ARSB: variants seen among roughly 807,000 people sequenced by gnomAD.
The protein encoded by ARSB is arylsulfatase B, also known as N-acetylgalactosamine-4-sulfatase.
In ARSB, 41 loss-of-function variants were observed where a neutral mutation model predicts 50.9. The observed-to-expected ratio is 0.81, with a 90% CI of 0.63 to 1.04. The LOEUF is 1.04. Among genes scored for constraint, ARSB ranks in the 50% least tolerant of loss-of-function variants. ARSB has a pLI of 0.00. For synonymous variants in ARSB, 269 were observed against 284.8 expected (o/e 0.94, Z 0.56); for missense variants, 672 against 693.3 (o/e 0.97, Z 0.35).
chr5:78,862,924 C>A (rs528212484), intron 5 of ARSB, among the ~76,000 whole-genome samples: 84 of 152,226 alleles, frequency 5.5e-4, no homozygotes, highest in African/African-American at 1.9e-3. Context: ...AATCAAGTAA[C>A]CCCATCAAAA....
At chr5:78,797,491 T>C (rs1388354653) in intron 6 of ARSB, among the ~76,000 whole-genome samples, 5 of 152,192 alleles carry the variant, frequency 3.3e-5, no homozygotes, top group South Asian at 2.1e-4. Context: ...TCTCACATCA[T>C]TCCTTCGATG....
intron 6 of ARSB, chr5:78,815,495 T>C: frequency 3.1e-6 from 3 of 963,228 alleles, no homozygotes; most frequent in Non-Finnish European, 3.7e-6. Flanking sequence ...GCTGTGCCCC[T>C]GTGCAGTTAG....
intron 3 of ARSB, among the ~76,000 whole-genome samples, chr5:78,957,320 A>C (rs1215825930): frequency 2.0e-5 from 3 of 152,162 alleles, no homozygotes; most frequent in African/African-American, 7.2e-5. Flanking sequence ...TTCATTGTTG[A>C]CAAGTTGTTT....
At chr5:78,822,287 A>G (rs2112677314) in intron 6 of ARSB, among the ~76,000 whole-genome samples, 1 of 152,318 alleles carries the variant, frequency 6.6e-6, no homozygotes, top group Non-Finnish European at 1.5e-5. Context: ...AGATTTTGGA[A>G]AATTGATGAC....
chr5:78,877,780 T>C (rs960192636), intron 5 of ARSB, among the ~76,000 whole-genome samples: 1 of 152,176 alleles, frequency 6.6e-6, no homozygotes, highest in African/African-American at 2.4e-5. Flanking sequence ...CCAAAAGGGA[T>C]AGAAATATGA....
chr5:78,796,401 A>G (rs565073615), intron 6 of ARSB, among the ~76,000 whole-genome samples: 1 of 152,354 alleles, frequency 6.6e-6, no homozygotes, highest in South Asian at 2.1e-4. Flanking sequence ...GTGCTAGGAG[A>G]TTCCAAAAGA....
chr5:78,947,934 A>G (rs1751318959), intron 4 of ARSB, among the ~76,000 whole-genome samples: 1 of 152,234 alleles, frequency 6.6e-6, no homozygotes, highest in African/African-American at 2.4e-5. Context: ...CATATACACA[A>G]TGGAGTACTA....
intron 5 of ARSB, chr5:78,883,841 A>G (rs1747876449): frequency 6.6e-6 from 1 of 152,194 alleles, no homozygotes; most frequent in Non-Finnish European, 1.5e-5. Context: ...ATAGCTATCA[A>G]ACTTCCTTTG....
chr5:78,803,886 C>A (rs1256574323), intron 6 of ARSB, among the ~76,000 whole-genome samples: 2 of 152,246 alleles, frequency 1.3e-5, no homozygotes, highest in Admixed American at 6.5e-5. Flanking sequence ...CTACTTTGTA[C>A]TAGACGTTGT....
intron 4 of ARSB, among the ~76,000 whole-genome samples, chr5:78,945,422 C>A (rs977097552): frequency 1.3e-5 from 2 of 152,256 alleles, no homozygotes; most frequent in East Asian, 3.9e-4. Context: ...CTTGGCTCCA[C>A]CCCTCCTATG....
intron 5 of ARSB, among the ~76,000 whole-genome samples, chr5:78,851,352 C>T (rs541861836): frequency 7.4e-4 from 112 of 152,280 alleles, no homozygotes; most frequent in African/African-American, 2.6e-3. Flanking sequence ...TGTTCAGTTT[C>T]CATGTAGTTG....
chr5:78,793,987 A>G lies in ARSB; in HGVS notation c.1214-12013T>C, dbSNP rs1580974722. ...AGAATAGTGATCTGGGCAGAGGCACAAAGCAACGTAGTACATTCTGTAGAG... is the reference window on the plus strand; with the variant it reads ...AGAATAGTGATCTGGGCAGAGGCACGAAGCAACGTAGTACATTCTGTAGAG... On this transcript the variant is annotated intron_variant, in intron 6 of 7. Transcript: ENST00000264914. 1.3e-5 allele frequency among the ~76,000 whole-genome samples: 2 copies of G among 152,332 alleles called. 1 individual carries two copies. The highest frequency in any genetic ancestry group is 3.9e-4 in the East Asian group (2 of 5,186).
intron 3 of ARSB, among the ~76,000 whole-genome samples, chr5:78,963,432 T>C (rs889864970): frequency 6.6e-6 from 1 of 152,186 alleles, no homozygotes. Context: ...AGAGGCAAAG[T>C]GCAGGAAATT....
chr5:78,952,095 T>C (rs147672766), intron 4 of ARSB, among the ~76,000 whole-genome samples: 157 of 152,280 alleles, frequency 1.0e-3, no homozygotes, highest in African/African-American at 3.7e-3. Context: ...AGTATCAAAA[T>C]ATAAGACAAT....
intron 4 of ARSB, among the ~76,000 whole-genome samples, chr5:78,924,111 A>C (rs1749943988): frequency 6.6e-6 from 1 of 152,194 alleles, no homozygotes; most frequent in African/African-American, 2.4e-5. Context: ...AAATGGCAAA[A>C]GCCCAGATAG....
At chr5:78,934,647 A>G (rs1199088452) in intron 4 of ARSB, among the ~76,000 whole-genome samples, 1 of 151,944 alleles carries the variant, frequency 6.6e-6, no homozygotes, top group African/African-American at 2.4e-5. Context: ...AAAATTTGGC[A>G]GGCGTGATGG....
At chr5:78,869,673 G>T (rs79307096) in intron 5 of ARSB, among the ~76,000 whole-genome samples, 3 of 150,426 alleles carry the variant, frequency 2.0e-5, no homozygotes, top group Non-Finnish European at 1.5e-5. Flanking sequence ...AGTGTGTAGA[G>T]GGAAATTTAT....
rs1752128292 is a variant in ARSB at position 78,964,561 on chromosome 5, G to A, written c.545C>T (p.Thr182Ile). 3 of 1,613,848 alleles carry A rather than the reference G, an allele frequency of 1.9e-6. No individual in the cohort carries two copies. In the South Asian group the frequency reaches 3.3e-5, roughly 18 times the overall value. Reference sequence around the variant, plus strand: ...TGTGACATTCAGAGCGTCAATTAATGTACAGCGTTCATGGGAATAATAATC... The same window carrying A: ...TGTGACATTCAGAGCGTCAATTAATATACAGCGTTCATGGGAATAATAATC... ...SEDYYSHERC[T>I]LIDALNVTRC... Residue 182 changes from threonine to isoleucine, a missense_variant, in exon 3 of 8, where the codon ACA (threonine) becomes ATA (isoleucine). Physicochemically the swap from Thr to Ile is moderately conservative, Grantham distance 89 (BLOSUM62 -1). Coordinates refer to ENST00000264914, the MANE Select transcript of ARSB (RefSeq NM_000046.5).
At chr5:78,978,946 C>A (rs1752784430) in intron 1 of ARSB, among the ~76,000 whole-genome samples, 1 of 152,076 alleles carries the variant, frequency 6.6e-6, no homozygotes, top group African/African-American at 2.4e-5. Context: ...ATGGTACCAA[C>A]AATATAAGCA....
Sources: gnomAD v4.1 joint callset for allele counts (sites outside exome capture counted in the v4.1 genomes callset) on GRCh38, gnomAD v4.1.1 for gene constraint, MANE v1.5 for transcripts, NCBI Gene and HGNC (gene_info 2026-07-23, HGNC 2026-07-21) for gene names.